The following PCLO variants were observed in gnomAD, a reference collection of about 807,000 sequenced individuals.
The protein encoded by PCLO is protein piccolo.
A neutral mutation model predicts 427.5 loss-of-function variants in PCLO; 82 were observed. The ratio of observed to expected loss-of-function variants is 0.19; its 90% CI spans 0.16 to 0.23. PCLO has a LOEUF of 0.23. Ranked by LOEUF, PCLO falls within the 10% of genes least tolerant of loss-of-function variation. The pLI is 1.00. For missense variants in PCLO, 6,239 were observed against 6,115.9 expected (o/e 1.02, Z -0.67); for synonymous variants, 2,357 against 2,155.4 (o/e 1.09, Z -2.59).
At chr7:83,120,401 A>AG (rs1336109604) in intron 3 of PCLO, among the ~76,000 whole-genome samples, 1 of 125,234 alleles carries the variant, frequency 8.0e-6, no homozygotes, top group African/African-American at 3.4e-5. Context: ...ACTCTGCCTC[A>AG]GAAAAAAAAA....
chr7:83,020,634 T>A (rs540332413), intron 3 of PCLO, among the ~76,000 whole-genome samples: 1 of 152,278 alleles, frequency 6.6e-6, no homozygotes, highest in African/African-American at 2.4e-5. Context: ...GGACTTTCAA[T>A]ACTCCTGACC....
chr7:83,123,549 C>T (rs939145966), intron 3 of PCLO, among the ~76,000 whole-genome samples: 3 of 152,068 alleles, frequency 2.0e-5, no homozygotes, highest in Non-Finnish European at 4.4e-5. Flanking sequence ...GGAAACTCTC[C>T]AGAACATTGG....
At chr7:82,884,903 A>G (rs976504607) in intron 9 of PCLO, among the ~76,000 whole-genome samples, 2 of 152,194 alleles carry the variant, frequency 1.3e-5, no homozygotes, top group Non-Finnish European at 1.5e-5. Flanking sequence ...GATGTGCTTG[A>G]TAAAATAAAT....
chr7:82,844,088 AT>A, intron 13 of PCLO, among the ~76,000 whole-genome samples: 1 of 152,288 alleles, frequency 6.6e-6, no homozygotes, highest in South Asian at 2.1e-4. Context: ...TAATTGCTTA[AT>A]TTAAAAAGAA....
At chr7:82,889,712 A>G (rs985189844) in intron 9 of PCLO, among the ~76,000 whole-genome samples, 3 of 152,168 alleles carry the variant, frequency 2.0e-5, no homozygotes, top group Non-Finnish European at 2.9e-5. Flanking sequence ...GGAAAACGAC[A>G]TAAATGCCAA....
chr7:82,780,337 A>G (rs1275946739), intron 22 of PCLO, among the ~76,000 whole-genome samples: 1 of 152,210 alleles, frequency 6.6e-6, no homozygotes, highest in Non-Finnish European at 1.5e-5. Context: ...TCTTAAACGA[A>G]CTAATAGAAC....
In PCLO at chr7:82,949,573, G is replaced by A; in HGVS notation, c.11015C>T (p.Ala3672Val). 1.2e-6 allele frequency: 2 copies of A among 1,613,838 alleles called. No individual in the cohort carries two copies. Among genetic ancestry groups the A allele is most frequent in the South Asian group, 1.1e-5 (1 of 91,080 alleles). ...AKVPPASPKT[A>V]KMMQRSMSDP... ...AGACATAGAACGCTGCATCATCTTG[G>A]CTGTCTTAGGACTTGCTGGGGGAAC... The change falls in exon 6 of 25, where the codon GCC becomes GTC. Residue 3672 changes from alanine to valine, a missense_variant. This residue lies in a region of PCLO where 4,677 missense variants were observed against 4,468.4 expected (regional missense o/e 1.05). Transcript: ENST00000333891.
At chr7:83,030,119 G>GAAAAAAAAAAAAAAAA (rs199609017) in intron 3 of PCLO, among the ~76,000 whole-genome samples, 9 of 104,598 alleles carry the variant, frequency 8.6e-5, no homozygotes, top group East Asian at 2.8e-4. Flanking sequence ...AATAATAAAA[G>GAAAAAAAAAAAAAAAA]AAAAAAAAAA....
chr7:83,153,832 T>C (rs950281522), intron 2 of PCLO, among the ~76,000 whole-genome samples: 15 of 152,182 alleles, frequency 9.9e-5, no homozygotes, highest in Non-Finnish European at 1.3e-4. Flanking sequence ...CTTCACTGTT[T>C]TATTTCTTAA....
intron 3 of PCLO, among the ~76,000 whole-genome samples, chr7:83,018,817 G>A (rs565596980): frequency 6.6e-6 from 1 of 151,990 alleles, no homozygotes; most frequent in Admixed American, 6.6e-5. Context: ...CATGCACTTA[G>A]TAAAGGATTC....
intron 3 of PCLO, among the ~76,000 whole-genome samples, chr7:83,020,390 G>A (rs767598167): frequency 2.3e-5 from 3 of 130,232 alleles, no homozygotes; most frequent in Non-Finnish European, 3.7e-5. Flanking sequence ...TCCCTATTTG[G>A]TAGTAGTAAG....
intron 3 of PCLO, among the ~76,000 whole-genome samples, chr7:83,058,234 A>G (rs1789450896): frequency 6.6e-6 from 1 of 152,206 alleles, no homozygotes; most frequent in South Asian, 2.1e-4. Context: ...CAGATGCTCT[A>G]CTGAGGACTT....
At chr7:82,970,378 TTACC>T (rs1795874974) in intron 3 of PCLO, among the ~76,000 whole-genome samples, 1 of 151,898 alleles carries the variant, frequency 6.6e-6, no homozygotes, top group Non-Finnish European at 1.5e-5. Context: ...CAGAATGTGG[TTACC>T]TACCTATGTT....
intron 2 of PCLO, among the ~76,000 whole-genome samples, chr7:83,148,037 G>A (rs569429231): frequency 6.6e-6 from 1 of 152,186 alleles, no homozygotes; most frequent in South Asian, 2.1e-4. Context: ...AGCTCCTTAT[G>A]CTGTGGATTT....
intron 6 of PCLO, among the ~76,000 whole-genome samples, chr7:82,921,732 A>T (rs1409878096): frequency 1.1e-4 from 17 of 152,016 alleles, no homozygotes; most frequent in Non-Finnish European, 2.5e-4. Context: ...AGTTAAGAAC[A>T]AAAGTGGACA....
rs1387573585 is a variant in PCLO at position 82,973,450 on chromosome 7, TGAG to T, written c.3301-6966_3301-6964del. The stretch of plus-strand genomic sequence containing the variant: ...ATAAATATGTATATGAATACAGTGT[TGAG>T]AAATAAAAATAGTCAACATAAAATA... On this transcript the variant is annotated intron_variant, in intron 3 of 24. Transcript: ENST00000333891. Among the ~76,000 whole-genome samples the T allele has an allele frequency of 2.0e-5, 3 of 152,292 alleles. No individual in the cohort carries two copies. The East Asian group carries it at 5.8e-4, about 29-fold the overall frequency.
At chr7:83,102,977 C>A (rs10281488) in intron 3 of PCLO, among the ~76,000 whole-genome samples, 1,445 of 101,430 alleles carry the variant, frequency 0.014, 24 homozygotes, top group African/African-American at 0.048. Flanking sequence ...AATTTGTATA[C>A]CAAAAATGGT....
chr7:83,069,884 A>G (rs4728526), intron 3 of PCLO, among the ~76,000 whole-genome samples: 4,395 of 150,802 alleles, frequency 0.029, 110 homozygotes, highest in Admixed American at 0.066. Context: ...GGGAGGAGGG[A>G]AAAGTACACC....
chr7:82,835,184 T>C (rs1458171640), intron 16 of PCLO, among the ~76,000 whole-genome samples: 1 of 151,864 alleles, frequency 6.6e-6, no homozygotes, highest in Non-Finnish European at 1.5e-5. Context: ...GACCTTGTGA[T>C]CTGCCCACCT....
Sources: gnomAD v4.1 joint callset for allele counts (sites outside exome capture counted in the v4.1 genomes callset) on GRCh38, gnomAD v4.1.1 for gene constraint, gnomAD v4.1.1 regional missense constraint, MANE v1.5 for transcripts, NCBI Gene and HGNC (gene_info 2026-07-23, HGNC 2026-07-21) for gene names.